PLA2G4A: variants seen among roughly 807,000 people sequenced by gnomAD.
PLA2G4A encodes phospholipase A2 group IVA, also known as cytosolic phospholipase A2.
In PLA2G4A, 40 loss-of-function variants were observed where a neutral mutation model predicts 81.9. That is an observed-to-expected ratio of 0.49 (90% confidence interval 0.38 to 0.64). PLA2G4A has a LOEUF of 0.64. Ranked by LOEUF, PLA2G4A falls within the 30% of genes least tolerant of loss-of-function variation. The pLI is 0.00. For missense variants in PLA2G4A, 715 were observed against 905.1 expected (o/e 0.79, Z 2.69); for synonymous variants, 302 against 296.9 (o/e 1.02, Z -0.18).
chr1:186,860,229 C>T (rs1477015252), intron 2 of PLA2G4A, among the ~76,000 whole-genome samples: 1 of 151,996 alleles, frequency 6.6e-6, no homozygotes, highest in Non-Finnish European at 1.5e-5. Flanking sequence ...TATTATGAGA[C>T]ATTAATTAAT....
intron 7 of PLA2G4A, among the ~76,000 whole-genome samples, chr1:186,919,655 C>T (rs1655274692): frequency 6.6e-6 from 1 of 152,286 alleles, no homozygotes; most frequent in African/African-American, 2.4e-5. Context: ...CACCTGACTG[C>T]GGATCTTCCC....
intron 17 of PLA2G4A, among the ~76,000 whole-genome samples, chr1:186,981,582 T>A (rs1657719278): frequency 6.6e-6 from 1 of 152,178 alleles, no homozygotes; most frequent in Admixed American, 6.5e-5. Context: ...AAATATAAAA[T>A]TTATCATTTT....
At chr1:186,890,398 A>T (rs1242758324) in intron 3 of PLA2G4A, among the ~76,000 whole-genome samples, 8 of 152,216 alleles carry the variant, frequency 5.3e-5, no homozygotes, top group African/African-American at 1.7e-4. Context: ...ATCCTAAAAA[A>T]GGAGTGATCA....
intron 2 of PLA2G4A, among the ~76,000 whole-genome samples, chr1:186,863,926 A>G (rs1420764604): frequency 2.0e-5 from 3 of 151,772 alleles, no homozygotes; most frequent in Admixed American, 6.6e-5. Context: ...ACGCCTGGCT[A>G]ATTTTTTATA....
At chr1:186,851,946 A>G (rs192696698) in intron 1 of PLA2G4A, among the ~76,000 whole-genome samples, 56 of 152,124 alleles carry the variant, frequency 3.7e-4, no homozygotes, top group Admixed American at 1.1e-3. Flanking sequence ...GTAAGACAGC[A>G]TAGTAGAACA....
At chr1:186,983,330 T>A (rs543636740) in intron 17 of PLA2G4A, among the ~76,000 whole-genome samples, 1 of 152,264 alleles carries the variant, frequency 6.6e-6, no homozygotes, top group Middle Eastern at 3.4e-3. Flanking sequence ...ACTCTTACAA[T>A]GCAAAGTTAC....
intron 5 of PLA2G4A, among the ~76,000 whole-genome samples, chr1:186,900,980 G>C (rs950721128): frequency 1.3e-5 from 2 of 152,120 alleles, no homozygotes; most frequent in African/African-American, 4.8e-5. Context: ...AGAAGAGATA[G>C]TGATAAAGCT....
intron 17 of PLA2G4A, among the ~76,000 whole-genome samples, chr1:186,987,712 A>C (rs192479847): frequency 6.6e-6 from 1 of 152,338 alleles, no homozygotes; most frequent in African/African-American, 2.4e-5. Context: ...AGTGTATGAC[A>C]GTTGAAATAG....
At chr1:186,923,242 A>T (rs527239403) in intron 7 of PLA2G4A, among the ~76,000 whole-genome samples, 1 of 152,296 alleles carries the variant, frequency 6.6e-6, no homozygotes, top group South Asian at 2.1e-4. Context: ...CAGGCTAATT[A>T]GTTCTTGAAA....
intron 1 of PLA2G4A, among the ~76,000 whole-genome samples, chr1:186,839,773 A>G (rs1218133939): frequency 6.6e-6 from 1 of 152,090 alleles, no homozygotes; most frequent in Non-Finnish European, 1.5e-5. Flanking sequence ...ATTTTCTATC[A>G]TCATCTTACT....
rs559774454 is a variant in PLA2G4A, at chr1:186,917,915, A to T, written c.558+6526A>T. Among the ~76,000 whole-genome samples, 3 of 152,322 alleles carry T rather than the reference A, an allele frequency of 2.0e-5. No homozygotes were observed. In the South Asian group the frequency reaches 6.2e-4, roughly 32 times the overall value. ...CACAGTTGTGCTACTGCTTTGGCAA[A>T]GGCTGGCAAGTGTGAGACGTAGAAG... On this transcript the variant is annotated intron_variant, in intron 7 of 17. Coordinates refer to ENST00000367466, the MANE Select transcript of PLA2G4A (RefSeq NM_024420.3).
intron 15 of PLA2G4A, among the ~76,000 whole-genome samples, chr1:186,971,814 A>G (rs1657365923): frequency 6.6e-6 from 1 of 152,044 alleles, no homozygotes. Flanking sequence ...GAGTCTACAT[A>G]AAGTTCTTTT....
intron 7 of PLA2G4A, among the ~76,000 whole-genome samples, chr1:186,926,578 T>C (rs1416618106): frequency 6.6e-6 from 1 of 152,226 alleles, no homozygotes; most frequent in Non-Finnish European, 1.5e-5. Flanking sequence ...GCTGGCCAGT[T>C]GGCCTCCTTA....
intron 2 of PLA2G4A, among the ~76,000 whole-genome samples, chr1:186,870,100 T>C (rs1653198056): frequency 6.6e-6 from 1 of 152,192 alleles, no homozygotes; most frequent in Non-Finnish European, 1.5e-5. Flanking sequence ...AGTTCACCTT[T>C]ATAAGCCAGG....
chr1:186,879,845 A>T (rs199918292), intron 3 of PLA2G4A, among the ~76,000 whole-genome samples: 133 of 50,970 alleles, frequency 2.6e-3, no homozygotes, highest in East Asian at 3.6e-3. Flanking sequence ...TTATATATAT[A>T]TTTTTTTATT....
At chr1:186,907,544 A>G (rs1159183717) in intron 6 of PLA2G4A, among the ~76,000 whole-genome samples, 1 of 152,214 alleles carries the variant, frequency 6.6e-6, no homozygotes, top group Non-Finnish European at 1.5e-5. Flanking sequence ...CAAACGGCGA[A>G]TTTTAGGGTA....
intron 15 of PLA2G4A, among the ~76,000 whole-genome samples, chr1:186,974,074 T>G (rs1657449967): frequency 1.3e-5 from 2 of 151,810 alleles, no homozygotes; most frequent in South Asian, 4.1e-4. Flanking sequence ...GTTCGTATTT[T>G]AATAAATAAA....
intron 5 of PLA2G4A, among the ~76,000 whole-genome samples, chr1:186,905,842 G>A (rs1251513622): frequency 6.6e-6 from 1 of 152,154 alleles, no homozygotes; most frequent in Non-Finnish European, 1.5e-5. Context: ...GCAAATTTTT[G>A]TATAGATGTT....
chr1:186,875,626 T>C (rs1057128498), intron 3 of PLA2G4A, among the ~76,000 whole-genome samples: 2 of 152,026 alleles, frequency 1.3e-5, no homozygotes, highest in African/African-American at 4.8e-5. Context: ...CCACAAATAG[T>C]TTAATATATA....
Sources: allele counts gnomAD v4.1 joint callset (sites outside exome capture counted in the v4.1 genomes callset), GRCh38; gene constraint gnomAD v4.1.1; transcripts MANE v1.5; gene names NCBI Gene and HGNC (gene_info 2026-07-23, HGNC 2026-07-21).